The following MYO1D variants were observed in gnomAD, a reference collection of about 807,000 sequenced individuals.
The protein encoded by MYO1D is myosin ID, also known as unconventional myosin-Id.
In MYO1D, 83 loss-of-function variants were observed where a neutral mutation model predicts 122.0. The ratio of observed to expected loss-of-function variants is 0.68; its 90% CI spans 0.57 to 0.82. The LOEUF (loss-of-function observed/expected upper bound fraction) is 0.82. Among genes scored for constraint, MYO1D ranks in the 40% least tolerant of loss-of-function variants. The probability of loss-of-function intolerance (pLI) is 0.00; values close to 1 mark genes in which losing one functional copy is unlikely to be tolerated. For synonymous variants in MYO1D, 464 were observed against 446.9 expected (o/e 1.04, Z -0.48); for missense variants, 1,157 against 1,269.5 (o/e 0.91, Z 1.35).
intron 6 of MYO1D, among the ~76,000 whole-genome samples, chr17:32,769,351 C>T (rs547824130): frequency 1.3e-5 from 2 of 152,148 alleles, no homozygotes; most frequent in Non-Finnish European, 2.9e-5. Flanking sequence ...AAAAAAACAC[C>T]TGGGTCCCTG....
At chr17:32,578,604 G>C (rs1408402077) in intron 21 of MYO1D, among the ~76,000 whole-genome samples, 2 of 152,352 alleles carry the variant, frequency 1.3e-5, no homozygotes, top group Non-Finnish European at 2.9e-5. Flanking sequence ...CTAAAGATCA[G>C]ACTATACTTC....
In MYO1D at chr17:32,496,125, G is replaced by C. The variant is rs1461979364; in HGVS notation, c.2865-1210C>G. The stretch of plus-strand genomic sequence containing the variant: ...CTTTCTAAGCACTGGTTGCCCGGGA[G>C]GCGCAACTGCTCAGACGCCGAGGCA... On this transcript the variant is annotated intron_variant, in intron 21 of 21. Coordinates refer to ENST00000318217, the MANE Select transcript of MYO1D (RefSeq NM_015194.3). The C allele has an allele frequency of 2.0e-5, 3 of 152,436 alleles. No homozygotes were observed. The East Asian group carries it at 5.8e-4, about 29-fold the overall frequency. The allele number at this position is 152,436 out of a possible 1,614,324, so 9.4% of individuals were successfully genotyped here.
At chr17:32,703,405 C>T (rs1483982529) in intron 16 of MYO1D, among the ~76,000 whole-genome samples, 1 of 151,934 alleles carries the variant, frequency 6.6e-6, no homozygotes, top group African/African-American at 2.4e-5. Context: ...CTTTGAGAAT[C>T]CATTCTTAAC....
chr17:32,853,030 TC>T, intron 1 of MYO1D, among the ~76,000 whole-genome samples: 1 of 152,204 alleles, frequency 6.6e-6, no homozygotes, highest in East Asian at 1.9e-4. Flanking sequence ...ATGTGATGAC[TC>T]GCAAGAACAA....
At chr17:32,629,780 A>C (rs1182827768) in intron 20 of MYO1D, among the ~76,000 whole-genome samples, 1 of 152,204 alleles carries the variant, frequency 6.6e-6, no homozygotes, top group African/African-American at 2.4e-5. Context: ...GGCGGAAAGA[A>C]AAGGTGCTGA....
At chr17:32,791,239 C>T (rs1337519737) in intron 1 of MYO1D, among the ~76,000 whole-genome samples, 2 of 151,920 alleles carry the variant, frequency 1.3e-5, no homozygotes, top group African/African-American at 4.8e-5. Context: ...TGGCACGTGC[C>T]TGTAATCTCA....
intron 21 of MYO1D, among the ~76,000 whole-genome samples, chr17:32,585,128 T>C (rs986011541): frequency 1.3e-5 from 2 of 152,208 alleles, no homozygotes; most frequent in South Asian, 4.1e-4. Context: ...AATATAATAT[T>C]CTTTAACAAA....
At chr17:32,786,712 T>G (rs2090298175) in intron 1 of MYO1D, among the ~76,000 whole-genome samples, 1 of 151,922 alleles carries the variant, frequency 6.6e-6, no homozygotes, top group Admixed American at 6.6e-5. Flanking sequence ...CCCAACTACT[T>G]GGGAGGCTGA....
At chr17:32,523,681 G>T (rs1231196943) in intron 21 of MYO1D, among the ~76,000 whole-genome samples, 1 of 150,866 alleles carries the variant, frequency 6.6e-6, no homozygotes, top group Non-Finnish European at 1.5e-5. Context: ...TGCACTTATA[G>T]TCCCAGCTAC....
chr17:32,819,430 G>T (rs1005841206), intron 1 of MYO1D, among the ~76,000 whole-genome samples: 2 of 152,120 alleles, frequency 1.3e-5, no homozygotes, highest in Non-Finnish European at 2.9e-5. Flanking sequence ...CCTCTGCTTT[G>T]GTGGCAGTTT....
chr17:32,755,722 C>T, intron 10 of MYO1D, 60 bp from the exon 11 acceptor site: 2 of 1,460,178 alleles, frequency 1.4e-6, no homozygotes, highest in Non-Finnish European at 1.9e-6. Flanking sequence ...AGGTTAAACC[C>T]TGATGCTCCC....
intron 10 of MYO1D, among the ~76,000 whole-genome samples, chr17:32,758,734 CTA>C (rs1318698638): frequency 6.6e-6 from 1 of 152,112 alleles, no homozygotes; most frequent in African/African-American, 2.4e-5. Context: ...AAAAGAATCA[CTA>C]TGTTTAGAAG....
intron 16 of MYO1D, among the ~76,000 whole-genome samples, chr17:32,707,936 A>C (rs1032045283): frequency 9.9e-5 from 15 of 152,014 alleles, no homozygotes; most frequent in African/African-American, 3.4e-4. Flanking sequence ...ATCTGGTGCC[A>C]CTCTACTGGG....
rs547102064 is a variant in MYO1D at position 32,504,423 on chromosome 17, AGGATGACCCGGGCCCAAGCTCGT to A, written c.2865-9531_2865-9509del. On this transcript the variant is annotated intron_variant, in intron 21 of 21. Transcript: ENST00000318217. ...TGTCCAGAGAAGGACAAATGCGGTG[AGGATGACCCGGGCCCAAGCTCGT>A]GGATGCTAGTGCTTTGTAGGAAGCA... 6.0e-3 allele frequency: 915 copies of A among 152,416 alleles called. 5 individuals carry two copies. Among genetic ancestry groups the A allele is most frequent in the Middle Eastern group, 0.017 (5 of 294 alleles). The allele number at this position is 152,416 out of a possible 1,614,324, so 9.4% of individuals were successfully genotyped here. A position where few individuals can be genotyped will look rare whatever the true frequency, so the allele number is the denominator to read the frequency against.
intron 16 of MYO1D, among the ~76,000 whole-genome samples, chr17:32,667,508 A>G (rs749986692): frequency 6.6e-6 from 1 of 152,234 alleles, no homozygotes; most frequent in Non-Finnish European, 1.5e-5. Context: ...AAGACATACG[A>G]TAAATCTAAG....
chr17:32,798,303 T>C (rs1245570644), intron 1 of MYO1D, among the ~76,000 whole-genome samples: 4 of 152,242 alleles, frequency 2.6e-5, no homozygotes, highest in African/African-American at 7.2e-5. Context: ...TCGTCAGAAG[T>C]CTGTAACATC....
At chr17:32,803,415 G>A (rs969279733) in intron 1 of MYO1D, among the ~76,000 whole-genome samples, 2 of 152,034 alleles carry the variant, frequency 1.3e-5, no homozygotes, top group East Asian at 3.9e-4. Context: ...CAAAGTGCTG[G>A]GATTACAGGT....
At chr17:32,582,989 G>T (rs1216863996) in intron 21 of MYO1D, among the ~76,000 whole-genome samples, 1 of 152,112 alleles carries the variant, frequency 6.6e-6, no homozygotes, top group Non-Finnish European at 1.5e-5. Context: ...GTGCTCTTCT[G>T]TTATTTTTGG....
chr17:32,661,411 A>G (rs1397108139), intron 16 of MYO1D, among the ~76,000 whole-genome samples: 1 of 152,112 alleles, frequency 6.6e-6, no homozygotes, highest in Admixed American at 6.5e-5. Flanking sequence ...CTAGCACTTT[A>G]GGAGGTTGAG....
Sources: gnomAD v4.1 joint callset for allele counts (sites outside exome capture counted in the v4.1 genomes callset) on GRCh38, gnomAD v4.1.1 for gene constraint, MANE v1.5 for transcripts, NCBI Gene and HGNC (gene_info 2026-07-23, HGNC 2026-07-21) for gene names.